Variants in TIAM1 observed in about 807,000 individuals in gnomAD.
TIAM1 encodes TIAM Rac1 associated GEF 1.
A neutral mutation model predicts 163.5 loss-of-function variants in TIAM1; 65 were observed. The ratio of observed to expected loss-of-function variants is 0.40; its 90% CI spans 0.33 to 0.49. The LOEUF is 0.49. Among genes scored for constraint, TIAM1 ranks in the 20% least tolerant of loss-of-function variants. The probability of loss-of-function intolerance (pLI) is 0.77; values close to 1 mark genes in which losing one functional copy is unlikely to be tolerated. For synonymous variants in TIAM1, 833 were observed against 810.1 expected (o/e 1.03, Z -0.48); for missense variants, 1,789 against 2,044.7 (o/e 0.87, Z 2.41).
At chr21:31,221,338 G>A (rs532544523) in intron 8 of TIAM1, among the ~76,000 whole-genome samples, 14 of 152,158 alleles carry the variant, frequency 9.2e-5, no homozygotes, top group Non-Finnish European at 1.5e-4. Context: ...CTGACAAAGC[G>A]AGCAAAAACC....
At chr21:31,265,904 A>G in intron 4 of TIAM1, 106 bp downstream of exon 4, 1 of 1,464,144 alleles carries the variant, frequency 6.8e-7, no homozygotes. Flanking sequence ...CCAGGCAAAC[A>G]GGGTAAAACC....
chr21:31,482,938 C>T (rs181058498), intron 1 of TIAM1, among the ~76,000 whole-genome samples: 72 of 152,240 alleles, frequency 4.7e-4, no homozygotes, highest in African/African-American at 1.6e-3. Context: ...TAATCATGGT[C>T]ACACTGGTAA....
At chr21:31,552,572 G>A (rs1279291446) in intron 1 of TIAM1, among the ~76,000 whole-genome samples, 1 of 152,070 alleles carries the variant, frequency 6.6e-6, no homozygotes, top group Non-Finnish European at 1.5e-5. Flanking sequence ...TCAGGAGTTC[G>A]AGACCAGCCT....
At chr21:31,364,248 T>C (rs568950877) in intron 2 of TIAM1, among the ~76,000 whole-genome samples, 1 of 152,312 alleles carries the variant, frequency 6.6e-6, no homozygotes, top group South Asian at 2.1e-4. Context: ...CAGATTTCTG[T>C]GGGCCACCAA....
At chr21:31,534,623 G>A (rs563476062) in intron 1 of TIAM1, among the ~76,000 whole-genome samples, 8 of 152,068 alleles carry the variant, frequency 5.3e-5, no homozygotes, top group Non-Finnish European at 1.0e-4. Context: ...GCAGTGAGTC[G>A]AGATCACGCC....
At chr21:31,477,357 TCA>T (rs1001384355) in intron 1 of TIAM1, among the ~76,000 whole-genome samples, 14 of 152,126 alleles carry the variant, frequency 9.2e-5, no homozygotes, top group Non-Finnish European at 1.5e-4. Context: ...GAATAAGAAA[TCA>T]CAGTTATTTT....
At chr21:31,477,474 A>ATT (rs58353334) in intron 1 of TIAM1, among the ~76,000 whole-genome samples, 11,111 of 132,128 alleles carry the variant, frequency 0.084, 705 homozygotes, top group Non-Finnish European at 0.11. Context: ...AACTAAATGC[A>ATT]TTTTTTTTTT....
At chr21:31,410,781 G>C (rs1158532872) in intron 2 of TIAM1, among the ~76,000 whole-genome samples, 3 of 152,074 alleles carry the variant, frequency 2.0e-5, no homozygotes, top group African/African-American at 7.2e-5. Flanking sequence ...GAGACCAACA[G>C]AGACAGAAAG....
At chr21:31,308,914 G>T (rs919214427) in intron 2 of TIAM1, among the ~76,000 whole-genome samples, 1 of 152,102 alleles carries the variant, frequency 6.6e-6, no homozygotes, top group African/African-American at 2.4e-5. Context: ...GCTGGGAGTT[G>T]GGGGGGTTAG....
chr21:31,492,935 G>C lies in TIAM1; in HGVS notation c.-421-28900C>G, dbSNP rs11088175. On this transcript the variant is annotated intron_variant, in intron 1 of 28. Coordinates refer to the TIAM1 transcript ENST00000286827. ...CTGGAGGAATAAATAATTTTTTAAG[G>C]TGTGTTTTAATGAAGTTGCCTTTTT... Among the ~76,000 whole-genome samples the C allele has an allele frequency of 2.0e-5, 3 of 151,912 alleles. No homozygotes were observed. The East Asian group carries it at 5.8e-4, about 29-fold the overall frequency.
At chr21:31,481,824 ATGAG>A (rs150657917) in intron 1 of TIAM1, among the ~76,000 whole-genome samples, 4,601 of 152,176 alleles carry the variant, frequency 0.03, 236 homozygotes, top group African/African-American at 0.1. Flanking sequence ...ATCTTACAGC[ATGAG>A]TGAGTAAATC....
At chr21:31,279,242 G>A (rs2073438360) in intron 2 of TIAM1, among the ~76,000 whole-genome samples, 1 of 152,150 alleles carries the variant, frequency 6.6e-6, no homozygotes, top group South Asian at 2.1e-4. Flanking sequence ...ACTTTCGTGG[G>A]GAAAAAATTT....
intron 2 of TIAM1, chr21:31,452,841 G>C (rs1220427673): frequency 3.8e-6 from 2 of 526,894 alleles, no homozygotes; most frequent in Admixed American, 2.0e-5. Flanking sequence ...CCCTACGATA[G>C]TCAAAGACTA....
intron 2 of TIAM1, among the ~76,000 whole-genome samples, chr21:31,295,935 T>C (rs1009868549): frequency 1.3e-5 from 2 of 152,032 alleles, no homozygotes; most frequent in African/African-American, 2.4e-5. Flanking sequence ...GTAGCTAGGA[T>C]TACAGGCATA....
intron 22 of TIAM1, 33 bp from the exon 23 acceptor site, chr21:31,136,074 G>C: frequency 1.3e-6 from 2 of 1,570,532 alleles, no homozygotes; most frequent in Non-Finnish European, 1.7e-6. Flanking sequence ...AGCTTACTGG[G>C]TGGTGTTATC....
intron 1 of TIAM1, among the ~76,000 whole-genome samples, chr21:31,468,085 T>TAA (rs11443773): frequency 0.28 from 39,459 of 139,398 alleles, 5,637 homozygotes; most frequent in Non-Finnish European, 0.3. Flanking sequence ...GCGAAACTCT[T>TAA]AAAAAAAAAA....
chr21:31,438,179 CTTTTTTTTTTTTTTTT>C (rs34844399), intron 2 of TIAM1, among the ~76,000 whole-genome samples: 1,231 of 62,792 alleles, frequency 0.02, 46 homozygotes, highest in African/African-American at 0.079. Flanking sequence ...TATTTGTGAT[CTTTTTTTTTTTTTTTT>C]TTTTTTTTTT....
At chr21:31,136,158 T>G (rs2082612867) in intron 22 of TIAM1, 117 bp from the exon 23 acceptor site, 2 of 861,698 alleles carry the variant, frequency 2.3e-6, no homozygotes, top group Non-Finnish European at 3.6e-6. Context: ...ATACTGCTCC[T>G]AAAAACATTT....
intron 2 of TIAM1, chr21:31,452,336 G>A (rs2044894633): frequency 9.5e-6 from 2 of 210,172 alleles, no homozygotes; most frequent in South Asian, 9.9e-5. Context: ...CTACTCGGGA[G>A]GCTGAGGCAT....
Sources: allele counts gnomAD v4.1 joint callset (sites outside exome capture counted in the v4.1 genomes callset), GRCh38; gene constraint gnomAD v4.1.1; transcripts MANE v1.5; gene names NCBI Gene and HGNC (gene_info 2026-07-23, HGNC 2026-07-21).